Variants in LIN52 observed in about 807,000 individuals in gnomAD.
LIN52 encodes protein lin-52 homolog.
LIN52 carries 4 observed loss-of-function variants against 18.5 expected under a neutral mutation model. That is an observed-to-expected ratio of 0.22 (90% CI 0.11 to 0.49). The LOEUF (loss-of-function observed/expected upper bound fraction) is 0.49. LIN52 is among the 20% of genes least tolerant of loss of function. The pLI is 0.97. For missense variants in LIN52, 102 were observed against 139.5 expected, an observed-to-expected ratio of 0.73 and a Z score of 1.35; for synonymous variants, 34 against 45.5, an observed-to-expected ratio of 0.75 and a Z score of 1.02.
chr14:74,171,998 A>G (rs2061273710), intron 5 of LIN52, among the ~76,000 whole-genome samples: 1 of 152,214 alleles, frequency 6.6e-6, no homozygotes, highest in Admixed American at 6.5e-5. Flanking sequence ...CGGCCTCCCA[A>G]AGTGCTGGGA....
intron 5 of LIN52, among the ~76,000 whole-genome samples, chr14:74,105,307 A>G (rs912578156): frequency 2.0e-5 from 3 of 152,198 alleles, no homozygotes; most frequent in African/African-American, 4.8e-5. Flanking sequence ...CCAAAACTGT[A>G]TAAGAGAAAT....
At chr14:74,156,156 A>C (rs549303061) in intron 5 of LIN52, among the ~76,000 whole-genome samples, 2 of 152,326 alleles carry the variant, frequency 1.3e-5, no homozygotes, top group African/African-American at 4.8e-5. Context: ...TTGTCCTCCT[A>C]TTTTAAGCCA....
At chr14:74,111,825 C>G (rs2060930826) in intron 5 of LIN52, among the ~76,000 whole-genome samples, 1 of 151,852 alleles carries the variant, frequency 6.6e-6, no homozygotes, top group Non-Finnish European at 1.5e-5. Flanking sequence ...CTACCCACAT[C>G]TCTTGAACTG....
Position 74,161,685 on chromosome 14 carries a change from C to T in LIN52, c.284-37237C>T, listed in dbSNP as rs190746726. Among the ~76,000 whole-genome samples the T allele has an allele frequency of 5.3e-5, 8 of 152,280 alleles. No homozygotes were observed. The East Asian group carries it at 7.7e-4, about 15-fold the overall frequency. ...CCTCTGAAGGGAAAACACATGGCCA[C>T]GGGAACACTCTGCCGGTGCATTGCC... On this transcript the variant is annotated intron_variant, in intron 5 of 5. Transcript: ENST00000555028.
intron 5 of LIN52, among the ~76,000 whole-genome samples, chr14:74,124,064 TA>T (rs2061014046): frequency 6.6e-6 from 1 of 152,210 alleles, no homozygotes; most frequent in African/African-American, 2.4e-5. Flanking sequence ...TTTATTTATT[TA>T]TTTTTTTTAC....
intron 5 of LIN52, among the ~76,000 whole-genome samples, chr14:74,158,129 T>TG (rs1315920297): frequency 6.6e-6 from 1 of 150,928 alleles, no homozygotes; most frequent in African/African-American, 2.4e-5. Context: ...ATATATATTT[T>TG]TTTGAGATAG....
chr14:74,151,095 A>G (rs886424944), intron 5 of LIN52, among the ~76,000 whole-genome samples: 1 of 152,166 alleles, frequency 6.6e-6, no homozygotes, highest in African/African-American at 2.4e-5. Context: ...GGTCACCGGC[A>G]TAGAGAAAGG....
chr14:74,085,902 G>A (rs1400146147), intron 1 of LIN52, among the ~76,000 whole-genome samples: 1 of 152,114 alleles, frequency 6.6e-6, no homozygotes, highest in Non-Finnish European at 1.5e-5. Flanking sequence ...GAAGTTCATT[G>A]CAGGAATGAA....
chr14:74,176,305 T>A (rs2061294388), intron 5 of LIN52, among the ~76,000 whole-genome samples: 1 of 152,010 alleles, frequency 6.6e-6, no homozygotes, highest in Non-Finnish European at 1.5e-5. Flanking sequence ...AGAGACGGGG[T>A]TTCACCATGT....
chr14:74,165,853 A>G (rs6574167), intron 5 of LIN52, among the ~76,000 whole-genome samples: 117,714 of 151,656 alleles, frequency 0.78, 46,000 homozygotes, highest in Admixed American at 0.81. Context: ...CAAAAATGTT[A>G]CAATATCCAG....
At chr14:74,090,357 A>G (rs1198006851) in intron 1 of LIN52, among the ~76,000 whole-genome samples, 2 of 148,236 alleles carry the variant, frequency 1.3e-5, no homozygotes, top group Non-Finnish European at 3.0e-5. Context: ...TTTTTTTGAG[A>G]TGGCGTCTCA....
intron 5 of LIN52, among the ~76,000 whole-genome samples, chr14:74,168,128 G>T (rs1192002481): frequency 6.6e-6 from 1 of 152,194 alleles, no homozygotes; most frequent in Non-Finnish European, 1.5e-5. Flanking sequence ...GATACTGCAG[G>T]TTATTAGGTG....
intron 5 of LIN52, among the ~76,000 whole-genome samples, chr14:74,111,370 C>G (rs562079892): frequency 6.6e-6 from 1 of 151,994 alleles, no homozygotes; most frequent in South Asian, 2.1e-4. Flanking sequence ...CTCACTGCAG[C>G]CTTGACCTCC....
At chr14:74,128,674 GCT>G (rs1424982642) in intron 5 of LIN52, among the ~76,000 whole-genome samples, 1 of 152,212 alleles carries the variant, frequency 6.6e-6, no homozygotes, top group Non-Finnish European at 1.5e-5. Flanking sequence ...GGGTGCAGTG[GCT>G]CATGCCTGTA....
intron 1 of LIN52, among the ~76,000 whole-genome samples, chr14:74,086,270 A>G (rs1342699446): frequency 6.6e-6 from 1 of 152,216 alleles, no homozygotes; most frequent in African/African-American, 2.4e-5. Flanking sequence ...TGAAAGATTG[A>G]TTAGATATAT....
At chr14:74,102,938 T>A (rs1249459201) in intron 5 of LIN52, among the ~76,000 whole-genome samples, 1 of 149,202 alleles carries the variant, frequency 6.7e-6, no homozygotes, top group African/African-American at 2.4e-5. Context: ...GCTTCAGTAA[T>A]CAACATATAG....
chr14:74,191,166 G>C (rs2078874006), intron 5 of LIN52, among the ~76,000 whole-genome samples: 1 of 152,212 alleles, frequency 6.6e-6, no homozygotes, highest in Admixed American at 6.5e-5. Flanking sequence ...ATTCCTGCGA[G>C]ACAGAAATCA....
chr14:74,115,171 A>G (rs1421425231), intron 5 of LIN52, among the ~76,000 whole-genome samples: 2 of 152,246 alleles, frequency 1.3e-5, no homozygotes, highest in African/African-American at 2.4e-5. Flanking sequence ...TGCAATTTAC[A>G]TGCAATTGGA....
intron 5 of LIN52, among the ~76,000 whole-genome samples, chr14:74,146,706 G>A (rs2061153693): frequency 6.6e-6 from 1 of 152,060 alleles, no homozygotes; most frequent in Admixed American, 6.6e-5. Context: ...ATAATTGCAA[G>A]GGACCCAGAA....
Sources: allele counts gnomAD v4.1 joint callset (sites outside exome capture counted in the v4.1 genomes callset), GRCh38; gene constraint gnomAD v4.1.1; transcripts MANE v1.5; gene names NCBI Gene and HGNC (gene_info 2026-07-23, HGNC 2026-07-21).